Variants in MTA3 observed in about 807,000 individuals in gnomAD.
MTA3 encodes the protein metastasis-associated protein MTA3.
Under a neutral mutation model 83.5 loss-of-function variants are expected in MTA3, and 34 were observed. The observed-to-expected ratio is 0.41, with a 90% CI of 0.31 to 0.54. The LOEUF is 0.54. Ranked by LOEUF, MTA3 falls within the 20% of genes least tolerant of loss-of-function variation. The pLI is 0.33. For synonymous variants in MTA3, 303 were observed against 252.7 expected (o/e 1.20, Z -1.89); for missense variants, 761 against 726.4 (o/e 1.05, Z -0.55).
chr2:42,689,729 G>C (rs746039329), intron 9 of MTA3, among the ~76,000 whole-genome samples: 4 of 147,426 alleles, frequency 2.7e-5, no homozygotes, highest in Non-Finnish European at 4.5e-5. Context: ...GCATGGATCT[G>C]TATTTACATC....
intron 9 of MTA3, among the ~76,000 whole-genome samples, chr2:42,694,155 T>C (rs1327895221): frequency 6.6e-6 from 1 of 152,154 alleles, no homozygotes; most frequent in Non-Finnish European, 1.5e-5. Flanking sequence ...CTCTTTACTC[T>C]TCACTTTCCA....
chr2:42,501,666 G>A (rs768194563), intron 2 of MTA3, among the ~76,000 whole-genome samples: 1 of 152,032 alleles, frequency 6.6e-6, no homozygotes, highest in Non-Finnish European at 1.5e-5. Flanking sequence ...AAGGAGAATC[G>A]GACAGCCCAT....
chr2:42,726,808 G>A (rs1482985623), intron 16 of MTA3, among the ~76,000 whole-genome samples: 1 of 152,186 alleles, frequency 6.6e-6, no homozygotes, highest in East Asian at 1.9e-4. Context: ...CAGATAGTCA[G>A]AACTCTGTAT....
At chr2:42,624,254 ATTAT>A (rs1685862885) in intron 4 of MTA3, among the ~76,000 whole-genome samples, 2 of 152,002 alleles carry the variant, frequency 1.3e-5, no homozygotes, top group Admixed American at 1.3e-4. Flanking sequence ...AATTTTTAAT[ATTAT>A]TTTTGGATTT....
At position 42,693,174 on chromosome 2, in the gene MTA3, A is replaced by T. The variant is rs543569584; in HGVS notation, c.892-2591A>T. 7.9e-5 allele frequency among the ~76,000 whole-genome samples: 12 copies of T among 151,926 alleles called. No individual in the cohort carries two copies. The South Asian group carries it at 2.5e-3, about 32-fold the overall frequency. On this transcript the variant is annotated intron_variant, in intron 9 of 16. Transcript: ENST00000405094. ...CTACCTGGAACTGGGGTGTGGTGAC[A>T]CAAGCACTCTTGTGGCTACCACCAC... is the stretch of plus-strand genomic sequence containing the variant.
At chr2:42,593,951 GTTT>G (rs60176061) in intron 3 of MTA3, among the ~76,000 whole-genome samples, 1 of 140,304 alleles carries the variant, frequency 7.1e-6, no homozygotes, top group Non-Finnish European at 1.6e-5. Flanking sequence ...ATAGGATTAA[GTTT>G]TTTTTTTTTT....
At chr2:42,704,372 G>T (rs1665881635) in intron 12 of MTA3, 54 bp downstream of exon 12, 4 of 1,604,282 alleles carry the variant, frequency 2.5e-6, no homozygotes, top group East Asian at 2.2e-5. Flanking sequence ...TGGCTCATGG[G>T]GTGTGAGCGT....
intron 4 of MTA3, among the ~76,000 whole-genome samples, chr2:42,626,353 A>G (rs1445072806): frequency 6.6e-6 from 1 of 151,490 alleles, no homozygotes; most frequent in Non-Finnish European, 1.5e-5. Flanking sequence ...GCTGGAGTGC[A>G]GTGGTGTAAT....
chr2:42,751,578 A>G (rs892350105), intron 16 of MTA3, among the ~76,000 whole-genome samples: 1 of 152,162 alleles, frequency 6.6e-6, no homozygotes, highest in Non-Finnish European at 1.5e-5. Flanking sequence ...GAATACAGAG[A>G]GGTGGCCTGT....
chr2:42,750,386 C>G (rs2104605172), intron 16 of MTA3, among the ~76,000 whole-genome samples: 1 of 145,508 alleles, frequency 6.9e-6, no homozygotes, highest in Non-Finnish European at 1.5e-5. Context: ...TCTCTAACAC[C>G]TGCTGTTAGA....
intron 8 of MTA3, among the ~76,000 whole-genome samples, chr2:42,667,413 C>T (rs1690320481): frequency 6.6e-6 from 1 of 152,046 alleles, no homozygotes; most frequent in Non-Finnish European, 1.5e-5. Flanking sequence ...CTCTCCATCC[C>T]CTCTGCCCTC....
At chr2:42,651,569 G>C (rs1375597592) in intron 6 of MTA3, among the ~76,000 whole-genome samples, 1 of 151,522 alleles carries the variant, frequency 6.6e-6, no homozygotes, top group Non-Finnish European at 1.5e-5. Context: ...GCTGAGGCTG[G>C]CGGATGACTT....
chr2:42,717,852 G>A (rs1021612043), intron 14 of MTA3, among the ~76,000 whole-genome samples: 4 of 152,200 alleles, frequency 2.6e-5, no homozygotes, highest in African/African-American at 9.7e-5. Context: ...CAGAGATGGC[G>A]AAGTTTGTTG....
intron 4 of MTA3, among the ~76,000 whole-genome samples, chr2:42,635,516 T>C (rs1384043130): frequency 1.3e-5 from 2 of 151,910 alleles, no homozygotes; most frequent in Non-Finnish European, 2.9e-5. Context: ...TAATCCCAGC[T>C]AGTTGAGAGG....
At chr2:42,706,432 C>A (rs1666085397) in intron 12 of MTA3, among the ~76,000 whole-genome samples, 1 of 152,138 alleles carries the variant, frequency 6.6e-6, no homozygotes, top group Admixed American at 6.5e-5. Context: ...AAATAATAAT[C>A]CTCCAAAAAT....
intron 3 of MTA3, among the ~76,000 whole-genome samples, chr2:42,591,831 A>G (rs2103941304): frequency 6.6e-6 from 1 of 152,144 alleles, no homozygotes; most frequent in South Asian, 2.1e-4. Context: ...TTGTATTTTT[A>G]GTAGAGACGG....
At chr2:42,643,036 C>T (rs1305899992) in intron 5 of MTA3, among the ~76,000 whole-genome samples, 8 of 5,482 alleles carry the variant, frequency 1.5e-3, no homozygotes, top group African/African-American at 0.011. Context: ...TTGGTGTCTC[C>T]CCCCCCCCCC....
At chr2:42,532,012 T>C (rs1031462101) in intron 2 of MTA3, among the ~76,000 whole-genome samples, 2 of 152,188 alleles carry the variant, frequency 1.3e-5, no homozygotes, top group Non-Finnish European at 1.5e-5. Context: ...CACCTCGGCC[T>C]CCCAAAGTGT....
At chr2:42,613,577 C>T (rs895670249) in intron 4 of MTA3, 6 of 152,176 alleles carry the variant, frequency 3.9e-5, no homozygotes, top group African/African-American at 7.2e-5. Flanking sequence ...AAAGCCCCAT[C>T]GTTCTTTGGC....
Sources: allele counts gnomAD v4.1 joint callset (sites outside exome capture counted in the v4.1 genomes callset), GRCh38; gene constraint gnomAD v4.1.1; transcripts MANE v1.5; gene names NCBI Gene and HGNC (gene_info 2026-07-23, HGNC 2026-07-21).